Variants in CD72 observed in about 807,000 individuals in gnomAD.
CD72 encodes the protein B-cell differentiation antigen CD72.
In CD72, 28 loss-of-function variants were observed where a neutral mutation model predicts 50.7. The observed-to-expected ratio is 0.55, with a 90% CI of 0.41 to 0.76. The LOEUF (loss-of-function observed/expected upper bound fraction) is 0.76, where lower values mean the gene tolerates loss of function less well. Among genes scored for constraint, CD72 ranks in the 30% least tolerant of loss-of-function variants. The pLI, the probability that CD72 is intolerant of heterozygous loss-of-function variation, is 0.00. For synonymous variants in CD72, 176 were observed against 171.2 expected (o/e 1.03, Z -0.22); for missense variants, 403 against 420.6 (o/e 0.96, Z 0.37).
chr9:35,638,557 A>G (rs548638668), intron 1 of CD72, among the ~76,000 whole-genome samples: 1 of 151,560 alleles, frequency 6.6e-6, no homozygotes, highest in East Asian at 1.9e-4. Context: ...GACTTTTCCC[A>G]AATCAGCCAG....
At chr9:35,634,465 G>A (rs1266657640) in intron 1 of CD72, among the ~76,000 whole-genome samples, 1 of 152,028 alleles carries the variant, frequency 6.6e-6, no homozygotes. Flanking sequence ...CGATTCTCCT[G>A]CCTCAGCCTC....
intron 1 of CD72, among the ~76,000 whole-genome samples, chr9:35,639,114 C>T (rs1823316840): frequency 6.6e-6 from 1 of 151,536 alleles, no homozygotes; most frequent in African/African-American, 2.4e-5. Context: ...AATACAACTA[C>T]TCATCCAGTA....
chr9:35,635,899 TAG>T lies in CD72; in HGVS notation n.408+10502_408+10503del, dbSNP rs541024473. Among the ~76,000 whole-genome samples, 19 of 152,306 alleles carry T rather than the reference TAG, an allele frequency of 1.2e-4. No individual in the cohort carries two copies. In the East Asian group the frequency reaches 3.7e-3, roughly 29 times the overall value. ...GGGGGTGTGGAATGGAGAACCTCACTAGAGTTTCCTAGAATTCTCTTGCTCTA... is the reference window on the plus strand; with the variant it reads ...GGGGGTGTGGAATGGAGAACCTCACTAGTTTCCTAGAATTCTCTTGCTCTA... On this transcript the variant is annotated intron_variant and non_coding_transcript_variant, in intron 1 of 3. Transcript: ENST00000465754.
intron 7 of CD72, among the ~76,000 whole-genome samples, chr9:35,611,344 C>T (rs1000816561): frequency 2.6e-5 from 4 of 152,254 alleles, no homozygotes; most frequent in Middle Eastern, 3.4e-3. Context: ...AATGGTACCC[C>T]ACTGCTGTCT....
intron 2 of CD72, 106 bp from the exon 3 acceptor site, chr9:35,617,353 A>G: frequency 7.7e-7 from 1 of 1,300,038 alleles, no homozygotes; most frequent in Admixed American, 2.6e-5. Context: ...AGTCTGCCCT[A>G]CGTTGCCTGC....
chr9:35,610,777 G>A (rs2131752125), intron 7 of CD72, 24 bp from the exon 8 acceptor site: 2 of 1,596,032 alleles, frequency 1.3e-6, no homozygotes, highest in South Asian at 2.2e-5. Context: ...AGGTAGAGCT[G>A]GGATATGCTC....
chr9:35,610,588 TC>T lies in CD72; in HGVS notation c.*22+13del, dbSNP rs1199766338. On this transcript the variant is annotated intron_variant, in intron 8 of 8. Transcript: ENST00000259633. ...CTGGACTCCCCATGCCTCAGCCCCA[TC>T]CCTCACTCTTACCAACTCAGTGCAA... is the stretch of plus-strand genomic sequence containing the variant. 6.2e-7 allele frequency: 1 copy of T among 1,604,180 alleles called. No individual in the cohort carries two copies. The highest frequency in any genetic ancestry group is 8.5e-7 in the Non-Finnish European group (1 of 1,173,816).
At chr9:35,620,288 G>T (rs1311144685), upstream of CD72, among the ~76,000 whole-genome samples, 1 of 152,082 alleles carries the variant, frequency 6.6e-6, no homozygotes, top group Non-Finnish European at 1.5e-5. Flanking sequence ...CCAACATAGT[G>T]AAACCCCGTC....
chr9:35,629,401 G>C (rs1823223215), intron 1 of CD72, among the ~76,000 whole-genome samples: 1 of 152,014 alleles, frequency 6.6e-6, no homozygotes, highest in Non-Finnish European at 1.5e-5. Flanking sequence ...TGTCAGTCAA[G>C]GCCCATCAGA....
At position 35,610,721 on chromosome 9, in the gene CD72, A is replaced by ACCATGACCAAAGCT. The variant is rs754029740; in HGVS notation, c.982_983insAGCTTTGGTCATGG (p.Val328GlufsTer30). Reference sequence around the variant, plus strand: ...TGTCCACCATGACCAAGTTTTATGTACCTTGTTACATTTTGAGCTTTGAGC... The same window carrying ACCATGACCAAAGCT: ...TGTCCACCATGACCAAGTTTTATGTACCATGACCAAAGCTCCTTGTTACATTTTGAGCTTTGAGC... On this transcript the variant is annotated frameshift_variant, in exon 8 of 9. Transcript: ENST00000259633. LOFTEE classifies it high-confidence loss of function. 13 of 1,612,666 alleles carry ACCATGACCAAAGCT rather than the reference A, an allele frequency of 8.1e-6. No individual in the cohort carries two copies. The highest frequency in any genetic ancestry group is 1.0e-5 in the Non-Finnish European group (12 of 1,178,964).
At chr9:35,623,313 T>C (rs1233561592), upstream of CD72, among the ~76,000 whole-genome samples, 1 of 151,968 alleles carries the variant, frequency 6.6e-6, no homozygotes, top group African/African-American at 2.4e-5. Flanking sequence ...GCCTGCTTAT[T>C]TTACAAATTG....
At chr9:35,617,093 C>A in intron 3 of CD72, 83 bp downstream of exon 3, 3 of 1,535,748 alleles carry the variant, frequency 2.0e-6, no homozygotes, top group Non-Finnish European at 2.6e-6. Context: ...GAAGGAGCTG[C>A]ACCCCGCGGG....
rs550210214 is a variant in CD72, at chr9:35,615,936, C to T, written c.688+7G>A. ...CCTCCCTTCTCTCCTCTCCCCAGAG[C>T]GGATACCTGCTGAGCCGCATGTGAA... On this transcript the variant is annotated splice_region_variant and intron_variant, in intron 5 of 8. Coordinates refer to ENST00000259633, the MANE Select transcript of CD72 (RefSeq NM_001782.3). 1.2e-5 allele frequency: 20 copies of T among 1,608,370 alleles called. No homozygotes were observed. In the East Asian group the frequency reaches 1.3e-4, roughly 11 times the overall value.
intron 1 of CD72, among the ~76,000 whole-genome samples, chr9:35,645,736 C>G (rs1823386501): frequency 6.6e-6 from 1 of 152,198 alleles, no homozygotes; most frequent in South Asian, 2.1e-4. Context: ...CAACCCAGCT[C>G]TGTTTCCCTC....
chr9:35,634,685 T>C, intron 1 of CD72, among the ~76,000 whole-genome samples: 1 of 152,138 alleles, frequency 6.6e-6, no homozygotes, highest in East Asian at 1.9e-4. Flanking sequence ...TTCACTTCCC[T>C]TCCTTTCTCC....
At position 35,610,188 on chromosome 9, in the gene CD72, T is replaced by A. The variant is rs369711134; in HGVS notation, c.*135A>T. The A allele has an allele frequency of 3.0e-5, 6 of 197,878 alleles. No individual in the cohort carries two copies. Among genetic ancestry groups the A allele is most frequent in the African/African-American group, 1.2e-4 (5 of 42,660 alleles). 12.3% of individuals were successfully genotyped at this position (197,878 alleles called of 1,614,324 possible). A position where few individuals can be genotyped will look rare whatever the true frequency, so the allele number is the denominator to read the frequency against. On this transcript the variant is annotated 3_prime_UTR_variant, in exon 9 of 9. Transcript: ENST00000259633. Reference sequence around the variant, plus strand: ...GCAGGCAGCAGACTGGCTGGAAGTGTCAGGTGTGGGTCAGCCGGTGGCTGG... The same window carrying A: ...GCAGGCAGCAGACTGGCTGGAAGTGACAGGTGTGGGTCAGCCGGTGGCTGG...
At chr9:35,613,996 C>G (rs1209667294) in intron 5 of CD72, among the ~76,000 whole-genome samples, 1 of 150,802 alleles carries the variant, frequency 6.6e-6, no homozygotes, top group Non-Finnish European at 1.5e-5. Flanking sequence ...GCACTTCAGT[C>G]TCACAGAGCG....
At position 35,611,827 on chromosome 9, in the gene CD72, C is replaced by G. The variant is rs766981202; in HGVS notation, c.927G>C (p.Leu309Phe). The change falls in exon 7 of 9, where the codon TTG (leucine) becomes TTC (phenylalanine). Residue 309 changes from leucine (L) to phenylalanine (F), a missense_variant. Transcript: ENST00000259633. The part of the protein sequence containing the change: ...TGLSSNKDWK[L>F]TDDTQRTRTY... ...ACCTAGTGCGTTGTGTATCATCAGT[C>G]AACTTCCAATCCTTGTTAGAGCTGA... The G allele has an allele frequency of 6.2e-7, 1 of 1,607,098 alleles. No homozygotes were observed. Among genetic ancestry groups the G allele is most frequent in the Non-Finnish European group, 8.5e-7 (1 of 1,173,580 alleles).
chr9:35,639,695 GTGATTAC>G (rs1406466904), intron 1 of CD72, among the ~76,000 whole-genome samples: 1 of 152,196 alleles, frequency 6.6e-6, no homozygotes, highest in Non-Finnish European at 1.5e-5. Flanking sequence ...GCAGAATTAT[GTGATTAC>G]TGAGTTCTTC....
Sources: gnomAD v4.1 joint callset for allele counts (sites outside exome capture counted in the v4.1 genomes callset) on GRCh38, gnomAD v4.1.1 for gene constraint, MANE v1.5 for transcripts, NCBI Gene and HGNC (gene_info 2026-07-23, HGNC 2026-07-21) for gene names.